Variants in UNC13C observed in about 807,000 individuals in gnomAD.
The protein encoded by UNC13C is unc-13 homolog C, also known as protein unc-13 homolog C.
In UNC13C, 174 loss-of-function variants were observed where a neutral mutation model predicts 245.4. The ratio of observed to expected loss-of-function variants is 0.71; its 90% CI spans 0.63 to 0.80. The LOEUF (loss-of-function observed/expected upper bound fraction) is 0.80, where lower values mean the gene tolerates loss of function less well. UNC13C is among the 30% of genes least tolerant of loss of function. The pLI is 0.00. For missense variants in UNC13C, 2,829 were observed against 2,602.9 expected (o/e 1.09, Z -1.89); for synonymous variants, 992 against 895.1 (o/e 1.11, Z -1.93).
chr15:53,977,744 C>G (rs1383199890), upstream of UNC13C, among the ~76,000 whole-genome samples: 1 of 152,180 alleles, frequency 6.6e-6, no homozygotes, highest in African/African-American at 2.4e-5. Flanking sequence ...CCCCCACCTC[C>G]TCTACTCAGC....
intron 19 of UNC13C, among the ~76,000 whole-genome samples, chr15:54,458,572 A>T (rs918907609): frequency 2.0e-5 from 3 of 151,654 alleles, no homozygotes; most frequent in Non-Finnish European, 2.9e-5. Flanking sequence ...TGGGATCTCC[A>T]GTGTTAGATG....
intron 2 of UNC13C, among the ~76,000 whole-genome samples, chr15:54,118,215 G>T (rs898257626): frequency 3.9e-5 from 6 of 151,920 alleles, no homozygotes; most frequent in African/African-American, 1.2e-4. Flanking sequence ...TTTTCATAGT[G>T]AGTATATTTA....
chr15:54,059,666 C>G (rs1897713251), intron 2 of UNC13C, among the ~76,000 whole-genome samples: 1 of 152,108 alleles, frequency 6.6e-6, no homozygotes, highest in South Asian at 2.1e-4. Flanking sequence ...CAAGTCAATC[C>G]TAAGCCAAAA....
At chr15:53,866,450 G>A in the UNC13C span, among the ~76,000 whole-genome samples, 1 of 152,174 alleles carries the variant, frequency 6.6e-6, no homozygotes, top group African/African-American at 2.4e-5. Flanking sequence ...AGAGAATAAA[G>A]AGATTTAACA....
the UNC13C span, among the ~76,000 whole-genome samples, chr15:53,933,428 A>G: frequency 1.3e-5 from 2 of 152,226 alleles, no homozygotes; most frequent in South Asian, 2.1e-4. Context: ...ACAAATCAAA[A>G]CGATGGTATT....
At chr15:54,231,821 A>T (rs2035561825) in intron 4 of UNC13C, among the ~76,000 whole-genome samples, 1 of 152,062 alleles carries the variant, frequency 6.6e-6, no homozygotes, top group South Asian at 2.1e-4. Context: ...TGATAACTTC[A>T]TCTGACTTCT....
chr15:53,957,195 G>A, the UNC13C span, among the ~76,000 whole-genome samples: 1 of 152,038 alleles, frequency 6.6e-6, no homozygotes. Flanking sequence ...AGGCTGGAGT[G>A]CAGTGCCACA....
chr15:54,439,222 G>C (rs1347026628), intron 19 of UNC13C, among the ~76,000 whole-genome samples: 1 of 152,006 alleles, frequency 6.6e-6, no homozygotes, highest in East Asian at 1.9e-4. Flanking sequence ...AGGAATAACA[G>C]TAGTAAGTCC....
chr15:54,046,138 C>T (rs771291972), intron 2 of UNC13C, among the ~76,000 whole-genome samples: 4 of 152,010 alleles, frequency 2.6e-5, no homozygotes, highest in African/African-American at 7.2e-5. Context: ...ACATAATACC[C>T]CTTTCTGTGG....
chr15:54,300,598 T>C (rs541030886), intron 13 of UNC13C, among the ~76,000 whole-genome samples: 1 of 152,244 alleles, frequency 6.6e-6, no homozygotes, highest in South Asian at 2.1e-4. Context: ...CCAAGTGTGG[T>C]TCCTTGACAA....
chr15:53,849,819 C>T, the UNC13C span, among the ~76,000 whole-genome samples: 2 of 152,182 alleles, frequency 1.3e-5, no homozygotes, highest in East Asian at 3.9e-4. Context: ...ACTAAGGGCT[C>T]TGGGCGTGAT....
intron 7 of UNC13C, among the ~76,000 whole-genome samples, chr15:54,238,844 C>T (rs2035776749): frequency 6.6e-6 from 1 of 152,144 alleles, no homozygotes; most frequent in South Asian, 2.1e-4. Flanking sequence ...TTATTTAGGT[C>T]AGGGATTCTT....
intron 32 of UNC13C, among the ~76,000 whole-genome samples, chr15:54,626,059 C>A (rs1293539925): frequency 6.6e-6 from 1 of 152,134 alleles, no homozygotes; most frequent in Non-Finnish European, 1.5e-5. Flanking sequence ...AATTTGGAAG[C>A]TGGTACTGCT....
intron 29 of UNC13C, among the ~76,000 whole-genome samples, chr15:54,566,733 G>GA (rs372460677): frequency 1.7e-3 from 253 of 150,860 alleles, no homozygotes; most frequent in African/African-American, 5.5e-3. Context: ...CTTGAATAGG[G>GA]AAAAAAAAAC....
chr15:53,960,011 G>GT, the UNC13C span, among the ~76,000 whole-genome samples: 5 of 152,090 alleles, frequency 3.3e-5, no homozygotes, highest in African/African-American at 1.2e-4. Context: ...CCCATTAAAA[G>GT]TTTTTACAGT....
intron 2 of UNC13C, among the ~76,000 whole-genome samples, chr15:54,077,092 A>G (rs566466707): frequency 9.8e-4 from 149 of 152,262 alleles, no homozygotes; most frequent in African/African-American, 3.5e-3. Flanking sequence ...CAACAAGTCC[A>G]GGGGCCTGTT....
At chr15:54,259,121 G>A (rs999148107) in intron 8 of UNC13C, among the ~76,000 whole-genome samples, 2 of 152,170 alleles carry the variant, frequency 1.3e-5, no homozygotes, top group African/African-American at 4.8e-5. Flanking sequence ...ATTCTTGAGG[G>A]CTCTGCTTTC....
chr15:54,242,131 A>G (rs1348941236), intron 7 of UNC13C, among the ~76,000 whole-genome samples: 1 of 152,176 alleles, frequency 6.6e-6, no homozygotes, highest in African/African-American at 2.4e-5. Context: ...GTGTTCTTGA[A>G]CAATTTTGGC....
chr15:54,233,385 T>G (rs2140822368), intron 4 of UNC13C, among the ~76,000 whole-genome samples: 1 of 152,268 alleles, frequency 6.6e-6, no homozygotes, highest in African/African-American at 2.4e-5. Flanking sequence ...AGGGGGACAT[T>G]TAGTTGAAGT....
Sources: gnomAD v4.1 joint callset for allele counts (sites outside exome capture counted in the v4.1 genomes callset) on GRCh38, gnomAD v4.1.1 for gene constraint, MANE v1.5 for transcripts, NCBI Gene and HGNC (gene_info 2026-07-23, HGNC 2026-07-21) for gene names.